The following RASGRF2 variants were observed in gnomAD, a reference collection of about 807,000 sequenced individuals.
The protein encoded by RASGRF2 is Ras protein specific guanine nucleotide releasing factor 2.
RASGRF2 carries 76 observed loss-of-function variants against 151.0 expected under a neutral mutation model. That is an observed-to-expected ratio of 0.50 (90% CI 0.42 to 0.61). RASGRF2 has a LOEUF of 0.61. RASGRF2 is among the 20% of genes least tolerant of loss of function. The pLI, the probability that RASGRF2 is intolerant of heterozygous loss-of-function variation, is 0.00. For missense variants in RASGRF2, 1,148 were observed against 1,564.6 expected (o/e 0.73, Z 4.49); for synonymous variants, 504 against 566.5 (o/e 0.89, Z 1.57).
At chr5:81,208,272 A>T in intron 21 of RASGRF2, 82 bp from the exon 22 acceptor site, 1 of 1,192,222 alleles carries the variant, frequency 8.4e-7, no homozygotes, top group Admixed American at 2.0e-5. Context: ...AATTTTTCTA[A>T]TATTCGTGAC....
chr5:81,135,323 A>G (rs907750647), intron 17 of RASGRF2, among the ~76,000 whole-genome samples: 1 of 152,090 alleles, frequency 6.6e-6, no homozygotes, highest in South Asian at 2.1e-4. Flanking sequence ...AATAAATAAA[A>G]AAGTCTACAG....
Position 81,079,744 on chromosome 5 carries a change from T to C in RASGRF2, c.888-377T>C, listed in dbSNP as rs544256760. Reference sequence around the variant, plus strand: ...CTCCTTCTGTCAAAACTCATTTTACTGACAGAGAAACTTTCTCCTGAGTTA... The same window carrying C: ...CTCCTTCTGTCAAAACTCATTTTACCGACAGAGAAACTTTCTCCTGAGTTA... On this transcript the variant is annotated intron_variant, in intron 5 of 26. Transcript: ENST00000265080. 2.6e-5 allele frequency among the ~76,000 whole-genome samples: 4 copies of C among 152,222 alleles called. No homozygotes were observed. The East Asian group carries it at 7.7e-4, about 29-fold the overall frequency.
chr5:81,191,520 G>T (rs1260229879), intron 18 of RASGRF2, among the ~76,000 whole-genome samples: 1 of 152,046 alleles, frequency 6.6e-6, no homozygotes, highest in Non-Finnish European at 1.5e-5. Flanking sequence ...TTGGCAGGGG[G>T]CATTACTTAA....
At chr5:81,077,745 A>G (rs557462334) in intron 5 of RASGRF2, among the ~76,000 whole-genome samples, 11 of 152,308 alleles carry the variant, frequency 7.2e-5, no homozygotes, top group African/African-American at 2.6e-4. Flanking sequence ...AACTCTGATA[A>G]TGAGAGGAAC....
At chr5:81,010,547 A>T (rs1434064047) in intron 1 of RASGRF2, among the ~76,000 whole-genome samples, 1 of 152,226 alleles carries the variant, frequency 6.6e-6, no homozygotes, top group East Asian at 1.9e-4. Context: ...GCAAAAATGT[A>T]AAGTTCTAGG....
rs57890623 is a variant in RASGRF2 at position 81,171,549 on chromosome 5, T to TTGTGTGTGTG, written c.2687-8612_2687-8603dup. Among the ~76,000 whole-genome samples, 3 of 150,522 alleles carry TTGTGTGTGTG rather than the reference T, an allele frequency of 2.0e-5. 1 individual carries two copies. The highest frequency in any genetic ancestry group is 7.3e-5 in the African/African-American group (3 of 40,960). On this transcript the variant is annotated intron_variant, in intron 17 of 26. Transcript: ENST00000265080. ...AATTCAAAGTGTGTTCCTTTTGTGT[T>TTGTGTGTGTG]TGTGTGTGTGTGTGTGTGTGTGTAT...
intron 25 of RASGRF2, 130 bp from the exon 26 acceptor site, chr5:81,219,580 C>T (rs1260922074): frequency 1.1e-5 from 7 of 657,308 alleles, no homozygotes; most frequent in Non-Finnish European, 1.8e-5. Flanking sequence ...GTCAGGCAGG[C>T]TCCACCCGCC....
intron 2 of RASGRF2, among the ~76,000 whole-genome samples, chr5:81,053,112 G>T (rs1317083495): frequency 1.3e-5 from 2 of 151,956 alleles, no homozygotes; most frequent in Non-Finnish European, 2.9e-5. Context: ...GCCCACAATG[G>T]ATAAGATAAT....
chr5:81,202,958 A>G (rs1302056311), intron 19 of RASGRF2, among the ~76,000 whole-genome samples: 1 of 152,260 alleles, frequency 6.6e-6, no homozygotes. Context: ...AGGTGAGACA[A>G]TACATTTCTG....
chr5:81,111,101 T>A (rs565598046), intron 13 of RASGRF2, among the ~76,000 whole-genome samples: 14 of 152,296 alleles, frequency 9.2e-5, no homozygotes, highest in Non-Finnish European at 1.8e-4. Context: ...GATATATAAT[T>A]TCAAATCCCT....
chr5:81,213,756 C>G (rs1451459645), intron 23 of RASGRF2, among the ~76,000 whole-genome samples: 2 of 152,110 alleles, frequency 1.3e-5, no homozygotes, highest in African/African-American at 4.8e-5. Flanking sequence ...ATGCAGTGCT[C>G]TGAGAATCCC....
At chr5:81,176,936 CCT>C in intron 17 of RASGRF2, among the ~76,000 whole-genome samples, 1 of 152,080 alleles carries the variant, frequency 6.6e-6, no homozygotes, top group South Asian at 2.1e-4. Flanking sequence ...AAATTTTTTC[CCT>C]GTTACGTTCT....
intron 18 of RASGRF2, among the ~76,000 whole-genome samples, chr5:81,195,180 G>A (rs1221555399): frequency 6.6e-6 from 1 of 151,718 alleles, no homozygotes; most frequent in Non-Finnish European, 1.5e-5. Flanking sequence ...CCAGGCCTGC[G>A]GGCTCCACCC....
chr5:81,016,975 C>T (rs1749657531), intron 1 of RASGRF2, among the ~76,000 whole-genome samples: 1 of 152,204 alleles, frequency 6.6e-6, no homozygotes, highest in South Asian at 2.1e-4. Context: ...ACCACCCCAA[C>T]AAAGATAGTA....
At chr5:80,991,541 C>A (rs958679856) in intron 1 of RASGRF2, among the ~76,000 whole-genome samples, 1 of 152,130 alleles carries the variant, frequency 6.6e-6, no homozygotes, top group Non-Finnish European at 1.5e-5. Context: ...CCTTTTTCAC[C>A]TTTTTCCAGT....
chr5:81,003,207 A>G (rs1405380324), intron 1 of RASGRF2, among the ~76,000 whole-genome samples: 1 of 139,424 alleles, frequency 7.2e-6, no homozygotes, highest in Non-Finnish European at 1.5e-5. Context: ...GATGCATGCC[A>G]CCACACCTGG....
chr5:81,202,716 G>A (rs1337061988), intron 19 of RASGRF2, among the ~76,000 whole-genome samples: 2 of 152,230 alleles, frequency 1.3e-5, no homozygotes. Flanking sequence ...GGAGTAGGGT[G>A]GACCCCAATC....
At chr5:81,111,990 A>T (rs1195410093) in intron 13 of RASGRF2, among the ~76,000 whole-genome samples, 2 of 152,112 alleles carry the variant, frequency 1.3e-5, no homozygotes, top group African/African-American at 4.8e-5. Flanking sequence ...GCTTTCCCCC[A>T]CTCCTAAAGA....
chr5:81,046,199 T>C (rs1294389479), intron 2 of RASGRF2, among the ~76,000 whole-genome samples: 1 of 152,222 alleles, frequency 6.6e-6, no homozygotes, highest in Non-Finnish European at 1.5e-5. Context: ...CATTTACTTT[T>C]GTTTTCCTGG....
Sources: gnomAD v4.1 joint callset for allele counts (sites outside exome capture counted in the v4.1 genomes callset) on GRCh38, gnomAD v4.1.1 for gene constraint, MANE v1.5 for transcripts, NCBI Gene and HGNC (gene_info 2026-07-23, HGNC 2026-07-21) for gene names.